Variants in KCNH1 observed in about 807,000 individuals in gnomAD.
KCNH1 encodes potassium voltage-gated channel subfamily H member 1, also known as voltage-gated delayed rectifier potassium channel KCNH1.
Under a neutral mutation model 69.2 loss-of-function variants are expected in KCNH1, and 27 were observed. The observed-to-expected ratio is 0.39, with a 90% confidence interval of 0.29 to 0.54. The LOEUF is 0.54. Ranked by LOEUF, KCNH1 falls within the 20% of genes least tolerant of loss-of-function variation. The pLI, the probability that KCNH1 is intolerant of heterozygous loss-of-function variation, is 0.68. For synonymous variants in KCNH1, 456 were observed against 487.7 expected (o/e 0.93, Z 0.86); for missense variants, 798 against 1,261.6 (o/e 0.63, Z 5.57).
intron 6 of KCNH1, among the ~76,000 whole-genome samples, chr1:210,936,189 A>T (rs1687772021): frequency 6.6e-6 from 1 of 152,196 alleles, no homozygotes. Context: ...CTCTTTTTAC[A>T]GTTTCCTGAT....
intron 10 of KCNH1, among the ~76,000 whole-genome samples, chr1:210,687,618 A>G (rs532071254): frequency 3.0e-4 from 45 of 152,352 alleles, no homozygotes; most frequent in African/African-American, 1.1e-3. Context: ...ACAAGGCAAA[A>G]GGAGTTTTTA....
At chr1:210,798,953 T>C (rs1245369842) in intron 8 of KCNH1, among the ~76,000 whole-genome samples, 1 of 152,092 alleles carries the variant, frequency 6.6e-6, no homozygotes, top group African/African-American at 2.4e-5. Context: ...TTATGGTATG[T>C]CAGGCATCAT....
intron 6 of KCNH1, among the ~76,000 whole-genome samples, chr1:210,965,707 A>C (rs1006794703): frequency 6.6e-6 from 1 of 152,190 alleles, no homozygotes; most frequent in African/African-American, 2.4e-5. Context: ...GGAGAACTAC[A>C]AACCACTGCT....
intron 6 of KCNH1, among the ~76,000 whole-genome samples, chr1:210,924,031 C>A (rs1284930791): frequency 6.6e-6 from 1 of 152,126 alleles, no homozygotes; most frequent in Non-Finnish European, 1.5e-5. Flanking sequence ...GTAACAGATG[C>A]AGATACAGGG....
At chr1:210,831,866 A>G (rs1685166660) in intron 7 of KCNH1, among the ~76,000 whole-genome samples, 1 of 152,182 alleles carries the variant, frequency 6.6e-6, no homozygotes, top group African/African-American at 2.4e-5. Context: ...ACTTTCTGTG[A>G]TGATTGAGAT....
chr1:210,829,691 C>T (rs1199274949), intron 7 of KCNH1, among the ~76,000 whole-genome samples: 1 of 152,172 alleles, frequency 6.6e-6, no homozygotes, highest in Non-Finnish European at 1.5e-5. Context: ...GTACTGCTAA[C>T]TACATCTCTT....
intron 7 of KCNH1, among the ~76,000 whole-genome samples, chr1:210,883,214 A>G (rs1380904661): frequency 6.6e-6 from 1 of 152,252 alleles, no homozygotes; most frequent in Non-Finnish European, 1.5e-5. Context: ...TGGAAAGCTC[A>G]GCACCTTAGA....
intron 5 of KCNH1, among the ~76,000 whole-genome samples, chr1:211,064,422 G>C (rs760791703): frequency 1.3e-5 from 2 of 152,076 alleles, no homozygotes; most frequent in Non-Finnish European, 2.9e-5. Flanking sequence ...ATTGCCCGGC[G>C]TGGTGGTGGG....
At chr1:210,770,214 G>C (rs1379605400) in intron 10 of KCNH1, among the ~76,000 whole-genome samples, 1 of 152,016 alleles carries the variant, frequency 6.6e-6, no homozygotes, top group Non-Finnish European at 1.5e-5. Context: ...GGTGTGGGGG[G>C]GTCAAGGGGA....
chr1:210,899,865 A>G (rs1019003824), intron 7 of KCNH1, among the ~76,000 whole-genome samples: 17 of 152,252 alleles, frequency 1.1e-4, no homozygotes, highest in African/African-American at 4.1e-4. Flanking sequence ...GTCAAATGCT[A>G]AGGCCCAGGC....
At chr1:210,857,389 A>G (rs1685876189) in intron 7 of KCNH1, among the ~76,000 whole-genome samples, 1 of 151,822 alleles carries the variant, frequency 6.6e-6, no homozygotes, top group African/African-American at 2.4e-5. Context: ...CGGACCTTTG[A>G]ATTTTCTTTT....
chr1:210,774,848 A>G (rs2102370812), intron 10 of KCNH1, among the ~76,000 whole-genome samples: 1 of 152,344 alleles, frequency 6.6e-6, no homozygotes, highest in East Asian at 1.9e-4. Flanking sequence ...TTCTCTAGAC[A>G]AACAAATTCC....
At chr1:210,975,766 A>C (rs74422102) in intron 6 of KCNH1, among the ~76,000 whole-genome samples, 12,343 of 152,234 alleles carry the variant, frequency 0.081, 861 homozygotes, top group East Asian at 0.39. Context: ...TAATTAAACT[A>C]AAGAGCTTCT....
chr1:211,045,774 T>C (rs2102436085), intron 5 of KCNH1, among the ~76,000 whole-genome samples: 1 of 152,340 alleles, frequency 6.6e-6, no homozygotes, highest in South Asian at 2.1e-4. Flanking sequence ...CTATACTATA[T>C]ATCTCTAGGA....
At chr1:211,031,437 C>T (rs973434935) in intron 5 of KCNH1, among the ~76,000 whole-genome samples, 2 of 151,878 alleles carry the variant, frequency 1.3e-5, no homozygotes, top group Non-Finnish European at 2.9e-5. Flanking sequence ...AGAGACACAA[C>T]AAAAAAAGAG....
intron 8 of KCNH1, among the ~76,000 whole-genome samples, chr1:210,799,516 G>C (rs1684388940): frequency 1.3e-5 from 2 of 152,244 alleles, no homozygotes; most frequent in Non-Finnish European, 1.5e-5. Context: ...TTCCTAGAGG[G>C]AGAAATATTT....
chr1:210,907,055 A>C (rs990134002), intron 7 of KCNH1, among the ~76,000 whole-genome samples: 1 of 152,250 alleles, frequency 6.6e-6, no homozygotes, highest in Non-Finnish European at 1.5e-5. Context: ...AGGCACTTTC[A>C]CTTTCTTGCA....
intron 10 of KCNH1, among the ~76,000 whole-genome samples, chr1:210,716,494 T>TGTA (rs1682255496): frequency 6.6e-6 from 1 of 150,984 alleles, no homozygotes; most frequent in South Asian, 2.1e-4. Context: ...CATCAACAAC[T>TGTA]GTATGCTATT....
At chr1:210,694,706 C>T (rs1293723614) in intron 10 of KCNH1, among the ~76,000 whole-genome samples, 1 of 152,200 alleles carries the variant, frequency 6.6e-6, no homozygotes, top group African/African-American at 2.4e-5. Context: ...CATTCTTTGA[C>T]CAAACCTAAA....
Sources: allele counts gnomAD v4.1 joint callset (sites outside exome capture counted in the v4.1 genomes callset), GRCh38; gene constraint gnomAD v4.1.1; transcripts MANE v1.5; gene names NCBI Gene and HGNC (gene_info 2026-07-23, HGNC 2026-07-21).